AK9: variants seen among roughly 807,000 people sequenced by gnomAD.
The protein encoded by AK9 is adenylate kinase 9, also known as adenylate kinase domain containing 1.
Under a neutral mutation model 239.6 loss-of-function variants are expected in AK9, and 191 were observed. The ratio of observed to expected loss-of-function variants is 0.80; its 90% confidence interval spans 0.71 to 0.90. AK9 has a LOEUF of 0.90. Among genes scored for constraint, AK9 ranks in the 40% least tolerant of loss-of-function variants. The pLI is 0.00. For synonymous variants in AK9, 689 were observed against 721.0 expected (o/e 0.96, Z 0.71); for missense variants, 1,995 against 2,214.7 (o/e 0.90, Z 1.99).
At chr6:109,641,059 T>C (rs978826678) in intron 10 of AK9, among the ~76,000 whole-genome samples, 2 of 151,400 alleles carry the variant, frequency 1.3e-5, no homozygotes, top group East Asian at 3.9e-4. Flanking sequence ...ATTGTGCTAA[T>C]ATTACAGCTT....
In AK9 at chr6:109,509,314, A is replaced by T; in HGVS notation, c.4346T>A (p.Val1449Glu). 6.4e-7 allele frequency: 1 copy of T among 1,551,668 alleles called. No homozygotes were observed. The highest frequency in any genetic ancestry group is 2.4e-5 in the East Asian group (1 of 40,916). Residue 1449 changes from valine to glutamate, a missense_variant, in exon 33 of 41, where the codon GTA (valine) becomes GAA (glutamate). Physicochemically the swap from Val to Glu is moderately radical, Grantham distance 121. Transcript: ENST00000424296. ...HLSIGGALRY[V>E]LNNHPETELA... ...CTCTGTTTCCGGGTGATTGTTTAGTACATAACGCAAAGCTCCTCCTATTGA... is the reference window on the plus strand; with the variant it reads ...CTCTGTTTCCGGGTGATTGTTTAGTTCATAACGCAAAGCTCCTCCTATTGA...
intron 1 of AK9, among the ~76,000 whole-genome samples, chr6:109,676,603 A>G (rs535991549): frequency 6.6e-6 from 1 of 152,252 alleles, no homozygotes; most frequent in Non-Finnish European, 1.5e-5. Context: ...ATAGTGATAA[A>G]AGTATTTTTA....
chr6:109,621,762 G>A (rs1794839661), intron 12 of AK9, among the ~76,000 whole-genome samples: 1 of 144,252 alleles, frequency 6.9e-6, no homozygotes, highest in Non-Finnish European at 1.5e-5. Context: ...GGATGGGGGA[G>A]GGATAGCATT....
At chr6:109,574,015 T>C (rs576130582) in intron 20 of AK9, among the ~76,000 whole-genome samples, 2 of 152,272 alleles carry the variant, frequency 1.3e-5, no homozygotes, top group East Asian at 3.9e-4. Context: ...AAACATACAG[T>C]GAATTTTAAA....
intron 17 of AK9, among the ~76,000 whole-genome samples, chr6:109,607,456 T>C (rs1244499221): frequency 6.6e-6 from 1 of 152,220 alleles, no homozygotes; most frequent in Non-Finnish European, 1.5e-5. Flanking sequence ...TGTAAACAAC[T>C]ATTTACATAC....
intron 24 of AK9, among the ~76,000 whole-genome samples, chr6:109,561,040 G>A (rs570687416): frequency 6.4e-4 from 97 of 151,398 alleles, no homozygotes; most frequent in Middle Eastern, 3.5e-3. Flanking sequence ...TGCAACCTCC[G>A]GCTCCCAGGT....
intron 26 of AK9, among the ~76,000 whole-genome samples, chr6:109,543,807 C>T (rs1268532105): frequency 1.3e-5 from 2 of 151,790 alleles, no homozygotes; most frequent in African/African-American, 4.8e-5. Flanking sequence ...CTAAATATAG[C>T]TGAAAAACAT....
chr6:109,612,232 T>C (rs761155706), intron 15 of AK9, 139 bp from the exon 16 acceptor site: 101 of 573,456 alleles, frequency 1.8e-4, no homozygotes, highest in Non-Finnish European at 1.1e-4. Context: ...CCCTAACATT[T>C]AAATGGGTAA....
intron 1 of AK9, among the ~76,000 whole-genome samples, chr6:109,687,964 A>G (rs1301617571): frequency 6.6e-6 from 1 of 152,124 alleles, no homozygotes; most frequent in Non-Finnish European, 1.5e-5. Flanking sequence ...ACATGAGCCA[A>G]TCTTTGCTTC....
At chr6:109,611,098 G>A (rs1435404046) in intron 16 of AK9, among the ~76,000 whole-genome samples, 1 of 152,144 alleles carries the variant, frequency 6.6e-6, no homozygotes, top group Non-Finnish European at 1.5e-5. Flanking sequence ...ATAGGAGTTT[G>A]GCAGTTTCAC....
intron 1 of AK9, among the ~76,000 whole-genome samples, chr6:109,689,595 T>A (rs2128371069): frequency 6.6e-6 from 1 of 152,306 alleles, no homozygotes; most frequent in South Asian, 2.1e-4. Flanking sequence ...CTCCCAGTAT[T>A]CCCTAGTGAA....
chr6:109,622,432 A>G (rs1036963973), intron 12 of AK9, among the ~76,000 whole-genome samples: 3 of 129,146 alleles, frequency 2.3e-5, no homozygotes, highest in Non-Finnish European at 4.8e-5. Flanking sequence ...ATAGTATACT[A>G]TAGTATATTA....
At chr6:109,529,710 G>A (rs1399518375) in intron 28 of AK9, among the ~76,000 whole-genome samples, 1 of 152,116 alleles carries the variant, frequency 6.6e-6, no homozygotes, top group Non-Finnish European at 1.5e-5. Flanking sequence ...CAGATCATCA[G>A]GCATTAGATT....
intron 1 of AK9, among the ~76,000 whole-genome samples, chr6:109,684,002 T>C (rs1467285812): frequency 2.0e-5 from 3 of 152,126 alleles, no homozygotes; most frequent in Non-Finnish European, 4.4e-5. Context: ...CAAACTATAC[T>C]ACAAGGCTAC....
intron 26 of AK9, among the ~76,000 whole-genome samples, chr6:109,544,572 G>A (rs1204982744): frequency 6.6e-6 from 1 of 152,150 alleles, no homozygotes; most frequent in Non-Finnish European, 1.5e-5. Flanking sequence ...CTCTGGCCAT[G>A]TGATGTGTCT....
chr6:109,541,949 G>C, intron 27 of AK9, 98 bp downstream of exon 27: 1 of 1,067,840 alleles, frequency 9.4e-7, no homozygotes, highest in Non-Finnish European at 1.3e-6. Context: ...GAATATAAAG[G>C]AGAAAGTTCT....
intron 21 of AK9, among the ~76,000 whole-genome samples, chr6:109,569,254 C>T (rs1349329127): frequency 1.3e-5 from 2 of 152,148 alleles, no homozygotes; most frequent in African/African-American, 4.8e-5. Context: ...TGGATCCCTT[C>T]CTTACATCTT....
chr6:109,676,559 C>T (rs1036024980), intron 1 of AK9, among the ~76,000 whole-genome samples: 29 of 151,758 alleles, frequency 1.9e-4, no homozygotes, highest in African/African-American at 7.0e-4. Context: ...TAGCATGAGA[C>T]ATATCTCTTG....
chr6:109,546,195 A>G, intron 25 of AK9, 68 bp from the exon 26 acceptor site: 1 of 1,413,776 alleles, frequency 7.1e-7, no homozygotes, highest in South Asian at 1.4e-5. Flanking sequence ...GTTTTGAGTA[A>G]TTTAGAACAC....
Sources: gnomAD v4.1 joint callset for allele counts (sites outside exome capture counted in the v4.1 genomes callset) on GRCh38, gnomAD v4.1.1 for gene constraint, MANE v1.5 for transcripts, NCBI Gene and HGNC (gene_info 2026-07-23, HGNC 2026-07-21) for gene names.